CACNG3: variants seen among roughly 807,000 people sequenced by gnomAD.
CACNG3 encodes the protein calcium voltage-gated channel auxiliary subunit gamma 3.
A neutral mutation model predicts 28.5 loss-of-function variants in CACNG3; 3 were observed. That is an observed-to-expected ratio of 0.11 (90% confidence interval 0.05 to 0.27). The LOEUF (loss-of-function observed/expected upper bound fraction) is 0.27. Ranked by LOEUF, CACNG3 falls within the 10% of genes least tolerant of loss-of-function variation. The pLI, the probability that CACNG3 is intolerant of heterozygous loss-of-function variation, is 1.00. For missense variants in CACNG3, 236 were observed against 414.4 expected (o/e 0.57, Z 3.74); for synonymous variants, 174 against 162.2 (o/e 1.07, Z -0.55).
chr16:24,289,141 C>G (rs565281140), intron 1 of CACNG3, among the ~76,000 whole-genome samples: 8 of 152,080 alleles, frequency 5.3e-5, no homozygotes, highest in Non-Finnish European at 1.0e-4. Flanking sequence ...TAAACAGCAT[C>G]CCTCCCAAAC....
intron 1 of CACNG3, among the ~76,000 whole-genome samples, chr16:24,289,362 A>G (rs1898936562): frequency 6.6e-6 from 1 of 152,232 alleles, no homozygotes; most frequent in African/African-American, 2.4e-5. Flanking sequence ...ATGGTGGGGA[A>G]AAGACACATT....
At chr16:24,338,214 T>C (rs1335326902) in intron 1 of CACNG3, among the ~76,000 whole-genome samples, 3 of 152,172 alleles carry the variant, frequency 2.0e-5, no homozygotes, top group African/African-American at 7.2e-5. Context: ...TGGCTCCTTC[T>C]CTTTTTTCAG....
At chr16:24,344,031 G>A (rs950405066) in intron 1 of CACNG3, among the ~76,000 whole-genome samples, 1 of 152,092 alleles carries the variant, frequency 6.6e-6, no homozygotes, top group African/African-American at 2.4e-5. Context: ...AGTGAGCCAA[G>A]ATTGCGTCAC....
At chr16:24,264,870 G>A (rs2141344650) in intron 1 of CACNG3, among the ~76,000 whole-genome samples, 1 of 152,320 alleles carries the variant, frequency 6.6e-6, no homozygotes, top group Middle Eastern at 3.4e-3. Flanking sequence ...ACTGGTGCAT[G>A]TTTATATCCC....
intron 3 of CACNG3, among the ~76,000 whole-genome samples, chr16:24,358,799 T>A (rs1007138306): frequency 6.6e-6 from 1 of 152,216 alleles, no homozygotes; most frequent in Non-Finnish European, 1.5e-5. Context: ...ATTGTGGTTT[T>A]TGCAATTAGT....
Position 24,256,340 on chromosome 16 carries a change from C to A in CACNG3, c.-415C>A, listed in dbSNP as rs1410139833. The A allele has an allele frequency of 8.1e-6, 2 of 247,256 alleles. No homozygotes were observed. The highest frequency in any genetic ancestry group is 5.6e-5 in the South Asian group (1 of 17,948). The allele number at this position is 247,256 out of a possible 1,614,324, so 15.3% of individuals were successfully genotyped here. A position where few individuals can be genotyped will look rare whatever the true frequency, so the allele number is the denominator to read the frequency against. ...ACGCACACACACACACACACACACT[C>A]ACACAGAGACCTCTCTGGGTTTCTT... On this transcript the variant is annotated 5_prime_UTR_variant, in exon 1 of 4. Coordinates refer to ENST00000005284, the MANE Select transcript of CACNG3 (RefSeq NM_006539.4). This position sits in a 1 kb window ranked among gnomAD's most constrained non-coding sequence, Gnocchi z 4.6.
chr16:24,268,051 C>T lies in CACNG3; in HGVS notation c.211+11086C>T, dbSNP rs530070634. Among the ~76,000 whole-genome samples the T allele has an allele frequency of 3.9e-5, 6 of 152,184 alleles. No homozygotes were observed. The East Asian group carries it at 7.7e-4, about 20-fold the overall frequency. ...GATGCCAGGCACTGTTCTAAGGATG[C>T]ACTTTACAATTATTATTTAACCCTC... On this transcript the variant is annotated intron_variant, in intron 1 of 3. Coordinates refer to ENST00000005284, the MANE Select transcript of CACNG3 (RefSeq NM_006539.4).
intron 1 of CACNG3, among the ~76,000 whole-genome samples, chr16:24,334,697 A>G (rs1049075144): frequency 1.3e-5 from 2 of 152,188 alleles, no homozygotes; most frequent in Admixed American, 1.3e-4. Context: ...CTTGACTTGA[A>G]GTCAGATCCA....
intron 1 of CACNG3, among the ~76,000 whole-genome samples, chr16:24,266,235 G>C (rs890520443): frequency 6.6e-6 from 1 of 152,204 alleles, no homozygotes; most frequent in African/African-American, 2.4e-5. Context: ...AGATAAGTTT[G>C]ACAGTAGACT....
At chr16:24,299,717 A>C (rs919914708) in intron 1 of CACNG3, among the ~76,000 whole-genome samples, 1 of 152,192 alleles carries the variant, frequency 6.6e-6, no homozygotes, top group African/African-American at 2.4e-5. Context: ...GACATGTATG[A>C]GACTGTTTAT....
chr16:24,322,736 T>A (rs951932347), intron 1 of CACNG3, among the ~76,000 whole-genome samples: 5 of 152,188 alleles, frequency 3.3e-5, no homozygotes, highest in Admixed American at 2.6e-4. Flanking sequence ...TCATTCCGTG[T>A]GCATATTGAG....
At position 24,361,429 on chromosome 16, in the gene CACNG3, A is replaced by T. The variant is rs1411770090; in HGVS notation, c.514A>T (p.Ser172Cys). The change falls in exon 4 of 4, where the codon AGT becomes TGT. Residue 172 changes from serine (S) to cysteine (C), a missense_variant. Ser to Cys is a moderately radical substitution (Grantham distance 112). This residue lies in a region of CACNG3 where 120 missense variants were observed against 263.4 expected (regional missense o/e 0.46). Transcript: ENST00000005284. The surrounding 1 kb of genome is among the most constrained non-coding windows in gnomAD (Gnocchi z 6.8). The part of the protein sequence containing the change: ...GDPGQRDSKK[S>C]YSYGWSFYFG... Reference sequence around the variant, plus strand: ...CCCCGGGCAGCGTGACTCCAAAAAAAGTTACTCCTATGGTTGGTCCTTTTA... The same window carrying T: ...CCCCGGGCAGCGTGACTCCAAAAAATGTTACTCCTATGGTTGGTCCTTTTA... The T allele has an allele frequency of 6.2e-7, 1 of 1,614,040 alleles. No individual in the cohort carries two copies. The highest frequency in any genetic ancestry group is 1.7e-5 in the Admixed American group (1 of 59,984).
At chr16:24,289,098 C>G (rs376815112) in intron 1 of CACNG3, among the ~76,000 whole-genome samples, 1 of 152,036 alleles carries the variant, frequency 6.6e-6, no homozygotes, top group Non-Finnish European at 1.5e-5. Context: ...TTAAGGAAAC[C>G]GCATGTCTAC....
intron 1 of CACNG3, among the ~76,000 whole-genome samples, chr16:24,332,707 C>A (rs759632410): frequency 2.0e-5 from 3 of 152,062 alleles, no homozygotes; most frequent in Admixed American, 1.3e-4. Flanking sequence ...CACGGACAGG[C>A]AAGTAAACTC....
chr16:24,340,094 A>AC (rs1357531324), intron 1 of CACNG3, among the ~76,000 whole-genome samples: 1 of 152,014 alleles, frequency 6.6e-6, no homozygotes, highest in African/African-American at 2.4e-5. Context: ...ACATGGCAAG[A>AC]CCCCCATCTC....
intron 1 of CACNG3, among the ~76,000 whole-genome samples, chr16:24,274,088 G>A (rs1898722512): frequency 6.6e-6 from 1 of 151,416 alleles, no homozygotes; most frequent in Admixed American, 6.6e-5. Flanking sequence ...TCTGAAGGCT[G>A]AGGCAAGAGA....
rs776950399 is a variant in CACNG3 at position 24,361,370 on chromosome 16, G to C, written c.455G>C (p.Gly152Ala). 6.2e-7 allele frequency: 1 copy of C among 1,604,564 alleles called. No individual in the cohort carries two copies. The highest frequency in any genetic ancestry group is 8.5e-7 in the Non-Finnish European group (1 of 1,175,862). The change falls in exon 4 of 4, where the codon GGC (glycine) becomes GCC (alanine). Residue 152 changes from glycine to alanine, a missense_variant. By Grantham distance (60) the Gly-to-Ala change is moderately conservative. Coordinates refer to ENST00000005284, the MANE Select transcript of CACNG3 (RefSeq NM_006539.4). This position sits in a 1 kb window ranked among gnomAD's most constrained non-coding sequence, Gnocchi z 6.8. ...FVSAGLSNIIGIIVYISANAG... is the reference protein window; with the variant it reads ...FVSAGLSNIIAIIVYISANAG... ...CTCTTAGGGTTAAGCAACATCATTG[G>C]CATCATAGTTTATATATCAGCCAAC...
intron 1 of CACNG3, among the ~76,000 whole-genome samples, chr16:24,315,635 C>T (rs1167743491): frequency 1.4e-5 from 2 of 142,824 alleles, no homozygotes; most frequent in Non-Finnish European, 3.1e-5. Context: ...TCTCTCTCTT[C>T]CTTTCTCTCT....
At chr16:24,352,448 A>C (rs74013184) in intron 2 of CACNG3, among the ~76,000 whole-genome samples, 5,713 of 152,236 alleles carry the variant, frequency 0.038, 301 homozygotes, top group African/African-American at 0.12. Context: ...TGAATCTGCC[A>C]GCGTGTTACC....
Sources: gnomAD v4.1 joint callset for allele counts (sites outside exome capture counted in the v4.1 genomes callset) on GRCh38, gnomAD v4.1.1 for gene constraint, gnomAD v4.1.1 regional missense constraint, Gnocchi (gnomAD v3.1) non-coding constraint, MANE v1.5 for transcripts, NCBI Gene and HGNC (gene_info 2026-07-23, HGNC 2026-07-21) for gene names.